The following ASIC2 variants were observed in gnomAD, a reference collection of about 807,000 sequenced individuals.
ASIC2 encodes the protein acid sensing ion channel subunit 2.
In ASIC2, 25 loss-of-function variants were observed where a neutral mutation model predicts 57.3. The observed-to-expected ratio is 0.44, with a 90% CI of 0.32 to 0.61. The LOEUF is 0.61. ASIC2 is among the 20% of genes least tolerant of loss of function. ASIC2 has a pLI of 0.06. For missense variants in ASIC2, 641 were observed against 738.1 expected, an observed-to-expected ratio of 0.87 and a Z score of 1.52; for synonymous variants, 319 against 307.5, an observed-to-expected ratio of 1.04 and a Z score of -0.39.
chr17:33,849,040 G>T (rs1188009480), intron 1 of ASIC2, among the ~76,000 whole-genome samples: 1 of 152,192 alleles, frequency 6.6e-6, no homozygotes, highest in Admixed American at 6.5e-5. Context: ...TTATGTTTCA[G>T]AAAATTGGCC....
intron 1 of ASIC2, chr17:34,071,299 T>C (rs938888865): frequency 2.6e-5 from 4 of 152,210 alleles, no homozygotes; most frequent in Non-Finnish European, 5.9e-5. Flanking sequence ...GGCATGTCAC[T>C]GGCTCTTGGT....
chr17:33,374,733 C>T (rs991199389), intron 1 of ASIC2, among the ~76,000 whole-genome samples: 4 of 152,280 alleles, frequency 2.6e-5, no homozygotes, highest in African/African-American at 9.6e-5. Context: ...ACCAGGAGTC[C>T]AGGGAACAGG....
chr17:33,743,181 T>TA (rs1284368954), intron 1 of ASIC2, among the ~76,000 whole-genome samples: 1 of 152,242 alleles, frequency 6.6e-6, no homozygotes, highest in Non-Finnish European at 1.5e-5. Context: ...AAACTACTTT[T>TA]AAAAAAATCC....
intron 1 of ASIC2, among the ~76,000 whole-genome samples, chr17:33,456,684 T>C (rs1291670401): frequency 6.6e-6 from 1 of 152,118 alleles, no homozygotes; most frequent in Non-Finnish European, 1.5e-5. Context: ...TTGTTGTGTG[T>C]GGAGAAGGTA....
At chr17:34,084,582 G>T (rs979431291) in intron 1 of ASIC2, among the ~76,000 whole-genome samples, 1 of 152,324 alleles carries the variant, frequency 6.6e-6, no homozygotes, top group South Asian at 2.1e-4. Context: ...TGTGAAGAAA[G>T]TCATTGGTTG....
chr17:33,972,848 C>A (rs989698084), intron 1 of ASIC2, among the ~76,000 whole-genome samples: 3 of 152,254 alleles, frequency 2.0e-5, no homozygotes, highest in Non-Finnish European at 2.9e-5. Context: ...AGAGTCCCAG[C>A]CAGCCAGCAC....
intron 1 of ASIC2, among the ~76,000 whole-genome samples, chr17:33,201,033 T>C (rs985922707): frequency 5.3e-5 from 8 of 152,186 alleles, no homozygotes; most frequent in Admixed American, 3.3e-4. Context: ...CTTTCCCAGA[T>C]GCCACCTTCT....
At chr17:33,423,685 A>G (rs944511698) in intron 1 of ASIC2, among the ~76,000 whole-genome samples, 17 of 141,706 alleles carry the variant, frequency 1.2e-4, no homozygotes, top group African/African-American at 4.0e-4. Flanking sequence ...GCTGCAGCTC[A>G]GTGGAAAACC....
At chr17:33,108,064 C>T (rs1021559570) in intron 2 of ASIC2, among the ~76,000 whole-genome samples, 2 of 152,206 alleles carry the variant, frequency 1.3e-5, no homozygotes, top group Admixed American at 6.5e-5. Flanking sequence ...AGAGAACTCT[C>T]GTTTGAGCCC....
At chr17:33,544,843 A>AT (rs367706564) in intron 1 of ASIC2, among the ~76,000 whole-genome samples, 34 of 149,592 alleles carry the variant, frequency 2.3e-4, no homozygotes, top group East Asian at 3.9e-4. Context: ...GAATCTTCTG[A>AT]TTTTTTTTTT....
At chr17:33,871,715 G>A (rs751336100) in intron 1 of ASIC2, among the ~76,000 whole-genome samples, 13 of 152,254 alleles carry the variant, frequency 8.5e-5, no homozygotes, top group Non-Finnish European at 1.3e-4. Flanking sequence ...CCTGAATTAC[G>A]GGAGGAGGAG....
intron 1 of ASIC2, among the ~76,000 whole-genome samples, chr17:33,182,617 T>C (rs1313438611): frequency 6.6e-6 from 1 of 152,196 alleles, no homozygotes; most frequent in Non-Finnish European, 1.5e-5. Flanking sequence ...GAGTACATAT[T>C]TGAGATTCAA....
At chr17:34,061,037 A>G (rs956319799) in intron 1 of ASIC2, among the ~76,000 whole-genome samples, 17 of 152,358 alleles carry the variant, frequency 1.1e-4, no homozygotes, top group African/African-American at 4.1e-4. Context: ...TCGCCTAGGC[A>G]CATTGTCATT....
intron 1 of ASIC2, among the ~76,000 whole-genome samples, chr17:33,837,995 T>C (rs944918917): frequency 6.6e-6 from 1 of 152,216 alleles, no homozygotes; most frequent in Non-Finnish European, 1.5e-5. Flanking sequence ...ATACTTCCCT[T>C]TCAACTTCAT....
chr17:33,382,267 G>T (rs11080214), intron 1 of ASIC2, among the ~76,000 whole-genome samples: 19,302 of 152,146 alleles, frequency 0.13, 1,314 homozygotes, highest in Middle Eastern at 0.19. Context: ...AAAACAGGAT[G>T]CAAACAGACA....
chr17:33,702,670 G>A (rs1908740939), intron 1 of ASIC2, among the ~76,000 whole-genome samples: 1 of 152,178 alleles, frequency 6.6e-6, no homozygotes, highest in Admixed American at 6.5e-5. Context: ...TGCGAACTGG[G>A]GAGTTGGGAC....
At chr17:33,724,623 T>C (rs1163247377) in intron 1 of ASIC2, among the ~76,000 whole-genome samples, 2 of 152,148 alleles carry the variant, frequency 1.3e-5, no homozygotes, top group African/African-American at 4.8e-5. Flanking sequence ...GGCTTTGGCC[T>C]GTGCACTTGG....
chr17:33,981,787 A>G (rs986282009), intron 1 of ASIC2, among the ~76,000 whole-genome samples: 3 of 152,192 alleles, frequency 2.0e-5, no homozygotes, highest in African/African-American at 7.2e-5. Flanking sequence ...TAATCCTCAC[A>G]ATTTTATGAC....
chr17:34,044,082 G>A (rs1334156759), intron 1 of ASIC2, among the ~76,000 whole-genome samples: 1 of 150,446 alleles, frequency 6.6e-6, no homozygotes, highest in Non-Finnish European at 1.5e-5. Flanking sequence ...CAAAATAAAA[G>A]TGGGCCATAC....
Sources: gnomAD v4.1 joint callset for allele counts (sites outside exome capture counted in the v4.1 genomes callset) on GRCh38, gnomAD v4.1.1 for gene constraint, MANE v1.5 for transcripts, NCBI Gene and HGNC (gene_info 2026-07-23, HGNC 2026-07-21) for gene names.